FRMD4A: variants seen among roughly 807,000 people sequenced by gnomAD.
FRMD4A encodes FERM domain containing 4A.
Under a neutral mutation model 129.1 loss-of-function variants are expected in FRMD4A, and 29 were observed. The ratio of observed to expected loss-of-function variants is 0.22; its 90% CI spans 0.17 to 0.31. The LOEUF (loss-of-function observed/expected upper bound fraction) is 0.31. Ranked by LOEUF, FRMD4A falls within the 10% of genes least tolerant of loss-of-function variation. The pLI is 1.00. For synonymous variants in FRMD4A, 634 were observed against 571.6 expected, an observed-to-expected ratio of 1.11 and a Z score of -1.56; for missense variants, 1,272 against 1,375.8, an observed-to-expected ratio of 0.92 and a Z score of 1.19.
At chr10:14,102,037 G>A (rs1301662679) in intron 2 of FRMD4A, among the ~76,000 whole-genome samples, 2 of 152,194 alleles carry the variant, frequency 1.3e-5, no homozygotes, top group East Asian at 3.8e-4. Flanking sequence ...AATAGAAGAT[G>A]CACGTTTCCA....
At chr10:14,185,730 G>T (rs537394062) in intron 2 of FRMD4A, among the ~76,000 whole-genome samples, 2 of 152,164 alleles carry the variant, frequency 1.3e-5, no homozygotes, top group African/African-American at 4.8e-5. Flanking sequence ...TAGAGAGAAG[G>T]GATGGCAACA....
At chr10:13,897,469 G>A (rs908386134) in intron 2 of FRMD4A, among the ~76,000 whole-genome samples, 1 of 152,116 alleles carries the variant, frequency 6.6e-6, no homozygotes, top group Admixed American at 6.6e-5. Context: ...GGATGGAGAA[G>A]GGTGATAGCA....
intron 2 of FRMD4A, among the ~76,000 whole-genome samples, chr10:14,113,903 C>G (rs1838060698): frequency 6.6e-6 from 1 of 152,138 alleles, no homozygotes; most frequent in South Asian, 2.1e-4. Context: ...ATCTGGGAGT[C>G]ACATCTCCGA....
At chr10:13,761,310 C>T (rs577588468) in intron 8 of FRMD4A, among the ~76,000 whole-genome samples, 2 of 152,326 alleles carry the variant, frequency 1.3e-5, no homozygotes, top group Admixed American at 1.3e-4. Context: ...AGGTTATCTG[C>T]AATCATATTT....
rs569868906 is a variant in FRMD4A at position 13,774,463 on chromosome 10, G to A, written c.384+8459C>T. Among the ~76,000 whole-genome samples the A allele has an allele frequency of 3.3e-5, 5 of 152,346 alleles. No homozygotes were observed. The South Asian group carries it at 6.2e-4, about 19-fold the overall frequency. Reference sequence around the variant, plus strand: ...ACAGGAAGCAGGGATGAAGTGGACCGGAAGTGCAGGAATTACATGGAATTC... The same window carrying A: ...ACAGGAAGCAGGGATGAAGTGGACCAGAAGTGCAGGAATTACATGGAATTC... On this transcript the variant is annotated intron_variant, in intron 6 of 24. Transcript: ENST00000357447.
intron 2 of FRMD4A, among the ~76,000 whole-genome samples, chr10:14,139,055 TTC>T (rs1390210520): frequency 1.3e-5 from 2 of 152,224 alleles, no homozygotes; most frequent in African/African-American, 2.4e-5. Flanking sequence ...GTAGCATTCT[TTC>T]TGAGTGGCAA....
At chr10:14,054,295 T>A (rs2457842) in intron 2 of FRMD4A, among the ~76,000 whole-genome samples, 1,806 of 152,258 alleles carry the variant, frequency 0.012, 42 homozygotes, top group African/African-American at 0.042. Flanking sequence ...CCACCTCTTC[T>A]GTGGCTGCTG....
intron 2 of FRMD4A, among the ~76,000 whole-genome samples, chr10:13,943,732 G>A (rs1283589872): frequency 2.7e-5 from 4 of 149,368 alleles, no homozygotes; most frequent in Non-Finnish European, 4.5e-5. Context: ...ACCAAAGAGT[G>A]TTACCTTGCA....
intron 2 of FRMD4A, among the ~76,000 whole-genome samples, chr10:13,903,299 G>A (rs1443337242): frequency 6.6e-6 from 1 of 152,094 alleles, no homozygotes; most frequent in Non-Finnish European, 1.5e-5. Flanking sequence ...CCTTCTAACA[G>A]ACTGTACCAT....
intron 2 of FRMD4A, among the ~76,000 whole-genome samples, chr10:14,278,376 G>T (rs982968178): frequency 2.6e-5 from 4 of 152,096 alleles, no homozygotes; most frequent in Non-Finnish European, 4.4e-5. Flanking sequence ...GTTCCCAGAG[G>T]CTCAGGCTCC....
chr10:14,144,941 T>A (rs1840004687), intron 2 of FRMD4A, among the ~76,000 whole-genome samples: 1 of 152,050 alleles, frequency 6.6e-6, no homozygotes, highest in Non-Finnish European at 1.5e-5. Context: ...AGCTGAGAGG[T>A]CCTTAGAAAC....
At chr10:14,184,441 T>G (rs1466063053) in intron 2 of FRMD4A, among the ~76,000 whole-genome samples, 1 of 151,712 alleles carries the variant, frequency 6.6e-6, no homozygotes, top group East Asian at 1.9e-4. Flanking sequence ...TGTTGAGTAA[T>G]CTCAGTTATT....
chr10:14,224,375 G>A (rs1184570491), intron 2 of FRMD4A, among the ~76,000 whole-genome samples: 1 of 152,150 alleles, frequency 6.6e-6, no homozygotes, highest in African/African-American at 2.4e-5. Context: ...ACCTGCATAT[G>A]TGTCCACCTC....
chr10:13,935,225 G>A (rs946021890), intron 2 of FRMD4A, among the ~76,000 whole-genome samples: 3 of 151,944 alleles, frequency 2.0e-5, no homozygotes, highest in Non-Finnish European at 4.4e-5. Flanking sequence ...ATCACCTGAG[G>A]TCAGGAGTTT....
intron 12 of FRMD4A, among the ~76,000 whole-genome samples, chr10:13,719,051 C>T (rs928159358): frequency 3.3e-5 from 5 of 152,200 alleles, no homozygotes; most frequent in African/African-American, 1.2e-4. Flanking sequence ...AAGTCACTTT[C>T]TCAAGGTCAC....
intron 2 of FRMD4A, among the ~76,000 whole-genome samples, chr10:14,046,825 C>A (rs1225648904): frequency 6.6e-6 from 1 of 152,152 alleles, no homozygotes; most frequent in Non-Finnish European, 1.5e-5. Context: ...TGAGGAAAAT[C>A]TAAGTTAATC....
intron 12 of FRMD4A, among the ~76,000 whole-genome samples, chr10:13,732,775 C>A (rs1049158417): frequency 6.6e-6 from 1 of 152,330 alleles, no homozygotes; most frequent in East Asian, 1.9e-4. Context: ...AGATGGCTCA[C>A]CCAGCCATGA....
At chr10:13,843,584 G>A (rs528506708) in intron 3 of FRMD4A, among the ~76,000 whole-genome samples, 85 of 152,242 alleles carry the variant, frequency 5.6e-4, no homozygotes, top group African/African-American at 2.0e-3. Flanking sequence ...TGCAACCTCC[G>A]CCTGCCCGGT....
intron 12 of FRMD4A, among the ~76,000 whole-genome samples, chr10:13,732,196 T>G (rs1588470318): frequency 6.6e-6 from 1 of 152,148 alleles, no homozygotes; most frequent in Non-Finnish European, 1.5e-5. Flanking sequence ...ATTAAGTGAC[T>G]GAGGGCAGAC....
Sources: allele counts gnomAD v4.1 joint callset (sites outside exome capture counted in the v4.1 genomes callset), GRCh38; gene constraint gnomAD v4.1.1; transcripts MANE v1.5; gene names NCBI Gene and HGNC (gene_info 2026-07-23, HGNC 2026-07-21).